Variants in CDKAL1 observed in about 807,000 individuals in gnomAD.
CDKAL1 encodes threonylcarbamoyladenosine tRNA methylthiotransferase.
CDKAL1 carries 32 observed loss-of-function variants against 68.2 expected under a neutral mutation model. The ratio of observed to expected loss-of-function variants is 0.47; its 90% confidence interval spans 0.35 to 0.63. The LOEUF (loss-of-function observed/expected upper bound fraction) is 0.63, where lower values mean the gene tolerates loss of function less well. Ranked by LOEUF, CDKAL1 falls within the 30% of genes least tolerant of loss-of-function variation. CDKAL1 has a pLI of 0.00. For missense variants in CDKAL1, 606 were observed against 696.7 expected, an observed-to-expected ratio of 0.87 and a Z score of 1.47; for synonymous variants, 234 against 244.3, an observed-to-expected ratio of 0.96 and a Z score of 0.39.
intron 10 of CDKAL1, among the ~76,000 whole-genome samples, chr6:20,999,473 GT>G: frequency 6.6e-6 from 1 of 151,940 alleles, no homozygotes; most frequent in African/African-American, 2.4e-5. Context: ...AGTTTTTAAT[GT>G]TTTTCACTTA....
At chr6:20,953,611 C>T (rs984746553) in intron 9 of CDKAL1, among the ~76,000 whole-genome samples, 3 of 152,020 alleles carry the variant, frequency 2.0e-5, no homozygotes, top group Non-Finnish European at 4.4e-5. Context: ...ATGAGTCCAG[C>T]GCCTAATGGC....
rs182933555 is a variant in CDKAL1 at position 20,551,494 on chromosome 6, A to C, written c.286+2789A>C. The stretch of plus-strand genomic sequence containing the variant: ...GTCGTTCTCCTGCCTCAGCCTCTCG[A>C]GTAGCTGGGACTACAGGTGCCCACC... On this transcript the variant is annotated intron_variant, in intron 4 of 15. Coordinates refer to ENST00000274695, the MANE Select transcript of CDKAL1 (RefSeq NM_017774.3). Among the ~76,000 whole-genome samples, 127 of 151,374 alleles carry C rather than the reference A, an allele frequency of 8.4e-4. 4 individuals are homozygous for C. In the East Asian group the frequency reaches 0.023, roughly 27 times the overall value.
At chr6:20,817,816 A>G (rs2150435393) in intron 8 of CDKAL1, among the ~76,000 whole-genome samples, 1 of 152,286 alleles carries the variant, frequency 6.6e-6, no homozygotes, top group South Asian at 2.1e-4. Context: ...TTATTTACTT[A>G]GAGTTTTTAT....
intron 12 of CDKAL1, among the ~76,000 whole-genome samples, chr6:21,072,554 C>CAAAAAAAAAAAAAA (rs71540611): frequency 4.3e-4 from 19 of 44,486 alleles, no homozygotes; most frequent in African/African-American, 9.3e-4. Flanking sequence ...GACTCCGTCT[C>CAAAAAAAAAAAAAA]AAAAAAAAAA....
chr6:20,746,534 T>G (rs552152691), intron 6 of CDKAL1, among the ~76,000 whole-genome samples: 69 of 152,176 alleles, frequency 4.5e-4, no homozygotes, highest in Non-Finnish European at 9.6e-4. Flanking sequence ...TTTAAGGGAT[T>G]TGGAAATTGA....
intron 7 of CDKAL1, among the ~76,000 whole-genome samples, chr6:20,763,003 G>C (rs1014138635): frequency 6.6e-6 from 1 of 152,032 alleles, no homozygotes; most frequent in Admixed American, 6.5e-5. Context: ...TTTTTTCACT[G>C]TGCTTTACAT....
chr6:20,974,314 C>G (rs1003428718), intron 10 of CDKAL1, among the ~76,000 whole-genome samples: 1 of 152,176 alleles, frequency 6.6e-6, no homozygotes, highest in African/African-American at 2.4e-5. Flanking sequence ...TGGCTTTGCC[C>G]AAACTTTGTT....
chr6:21,133,172 G>A (rs1340641835), intron 13 of CDKAL1, among the ~76,000 whole-genome samples: 2 of 152,154 alleles, frequency 1.3e-5, no homozygotes, highest in Admixed American at 6.5e-5. Context: ...AAAGAAACAA[G>A]ATGCCAATTC....
chr6:21,008,483 G>A (rs1767846555), intron 11 of CDKAL1, among the ~76,000 whole-genome samples: 1 of 152,180 alleles, frequency 6.6e-6, no homozygotes, highest in African/African-American at 2.4e-5. Flanking sequence ...AAAAGGAAGG[G>A]AAGAAGGGCC....
At chr6:20,727,496 G>C (rs1048567322) in intron 5 of CDKAL1, among the ~76,000 whole-genome samples, 26 of 152,144 alleles carry the variant, frequency 1.7e-4, no homozygotes, top group South Asian at 2.1e-4. Context: ...GGCTTCTTGA[G>C]GGGGGTAAGT....
chr6:20,840,264 T>A (rs1193284680), intron 8 of CDKAL1, among the ~76,000 whole-genome samples: 1 of 152,232 alleles, frequency 6.6e-6, no homozygotes, highest in Non-Finnish European at 1.5e-5. Flanking sequence ...TGTCTTTTAC[T>A]ATCACTGGCC....
intron 12 of CDKAL1, among the ~76,000 whole-genome samples, chr6:21,080,685 C>G (rs1772343192): frequency 6.7e-6 from 1 of 150,134 alleles, no homozygotes; most frequent in Non-Finnish European, 1.5e-5. Context: ...TGTTTAGCCC[C>G]AATGTGACAA....
intron 13 of CDKAL1, among the ~76,000 whole-genome samples, chr6:21,123,424 C>G (rs1260021698): frequency 1.3e-5 from 2 of 152,086 alleles, no homozygotes; most frequent in African/African-American, 4.8e-5. Context: ...GCACTGCACT[C>G]CAGCCTGGGC....
chr6:20,673,692 T>G (rs1183847668), intron 5 of CDKAL1, among the ~76,000 whole-genome samples: 1 of 152,186 alleles, frequency 6.6e-6, no homozygotes, highest in Non-Finnish European at 1.5e-5. Context: ...TGATAGTGCA[T>G]GAGTCTCATG....
intron 5 of CDKAL1, among the ~76,000 whole-genome samples, chr6:20,688,197 A>G (rs1770714397): frequency 6.7e-6 from 1 of 148,978 alleles, no homozygotes; most frequent in Admixed American, 6.7e-5. Context: ...TGCATATGTC[A>G]TGCATAGGTA....
chr6:21,189,378 T>G (rs951116700), intron 13 of CDKAL1, among the ~76,000 whole-genome samples: 2 of 152,250 alleles, frequency 1.3e-5, no homozygotes, highest in Non-Finnish European at 2.9e-5. Flanking sequence ...CATATATACT[T>G]AAAAATATGG....
chr6:20,777,561 G>C (rs1429089611), intron 7 of CDKAL1, among the ~76,000 whole-genome samples: 1 of 152,312 alleles, frequency 6.6e-6, no homozygotes, highest in South Asian at 2.1e-4. Context: ...GCTGCAGTGA[G>C]CCGTGATTGT....
chr6:20,899,327 T>C (rs2150594289), intron 9 of CDKAL1, among the ~76,000 whole-genome samples: 3 of 152,164 alleles, frequency 2.0e-5, no homozygotes, highest in Admixed American at 2.0e-4. Context: ...CCTCCCAAAG[T>C]GCTGAGATTA....
chr6:20,806,211 CCT>C (rs1776565269), intron 8 of CDKAL1, among the ~76,000 whole-genome samples: 1 of 152,102 alleles, frequency 6.6e-6, no homozygotes, highest in Non-Finnish European at 1.5e-5. Context: ...TGTTTAGCTC[CCT>C]CTTATTAGTG....
Sources: gnomAD v4.1 joint callset for allele counts (sites outside exome capture counted in the v4.1 genomes callset) on GRCh38, gnomAD v4.1.1 for gene constraint, MANE v1.5 for transcripts, NCBI Gene and HGNC (gene_info 2026-07-23, HGNC 2026-07-21) for gene names.